HRK: variants seen among roughly 807,000 people sequenced by gnomAD.
The protein encoded by HRK is harakiri, BCL2 interacting protein.
Under a neutral mutation model 5.9 loss-of-function variants are expected in HRK, and 6 were observed. The observed-to-expected ratio is 1.02, with a 90% CI of 0.56 to 2.01. The LOEUF (loss-of-function observed/expected upper bound fraction) is 2.01. Ranked by LOEUF, HRK falls within the 30% of genes most tolerant of loss-of-function variation. The probability of loss-of-function intolerance (pLI) is 0.00; values close to 1 mark genes in which losing one functional copy is unlikely to be tolerated. For missense variants in HRK, 133 were observed against 128.3 expected (o/e 1.04, Z -0.18); for synonymous variants, 85 against 65.1 (o/e 1.31, Z -1.47).
chr12:116,878,611 C>G lies in HRK; in HGVS notation c.*56+2365G>C, dbSNP rs1879023801. On this transcript the variant is annotated intron_variant, in intron 1 of 1. Coordinates refer to ENST00000257572, the MANE Select transcript of HRK (RefSeq NM_003806.4). The surrounding 1 kb of genome is among the most constrained non-coding windows in gnomAD (Gnocchi z 4.4). The stretch of plus-strand genomic sequence containing the variant: ...GAGCACTGAGAACCCGGCCTGGGAG[C>G]GCAGGAAGGCGGGTGGTGAGCAATT... 1.3e-5 allele frequency: 2 copies of G among 152,682 alleles called. No homozygotes were observed. The highest frequency in any genetic ancestry group is 2.4e-5 in the African/African-American group (1 of 41,420). The allele number at this position is 152,682 out of a possible 1,614,324, so 9.5% of individuals were successfully genotyped here. A position where few individuals can be genotyped will look rare whatever the true frequency, so the allele number is the denominator to read the frequency against.
chr12:116,871,239 G>A (rs1278274774), intron 1 of HRK, among the ~76,000 whole-genome samples: 1 of 151,520 alleles, frequency 6.6e-6, no homozygotes, highest in Non-Finnish European at 1.5e-5. Context: ...TTACAGGTGT[G>A]AGCCACCACA....
At chr12:116,880,343 AAGGAGCGAAGTTGGC>A (rs1879098695) in intron 1 of HRK, among the ~76,000 whole-genome samples, 1 of 152,184 alleles carries the variant, frequency 6.6e-6, no homozygotes, top group Admixed American at 6.5e-5. Context: ...CTCACTCGAG[AAGGAGCGAAGTTGGC>A]AGGGCAGAGG....
rs1480165478 is a variant in HRK, at chr12:116,871,594, G to A, written c.*56+9382C>T. 9.3e-5 allele frequency among the ~76,000 whole-genome samples: 13 copies of A among 139,056 alleles called. No individual in the cohort carries two copies. In the East Asian group the frequency reaches 1.4e-3, roughly 15 times the overall value. The allele number at this position is 139,056 out of a possible 152,430, so 91.2% of individuals were successfully genotyped here. ...GCTGGGATTATAGGTGTGAGCCACC[G>A]TGCCCAGCCAAAAAAAAAAAAAAAA... On this transcript the variant is annotated intron_variant, in intron 1 of 1. Coordinates refer to ENST00000257572, the MANE Select transcript of HRK (RefSeq NM_003806.4).
rs1052432194 is a variant in HRK at position 116,878,855 on chromosome 12, C to T, written c.*56+2121G>A. ...GTAACTCTGGGGTAGAAGGCGAGGG[C>T]GGGGCGGGGGAAATAAACTCCACAG... is the stretch of plus-strand genomic sequence containing the variant. On this transcript the variant is annotated intron_variant, in intron 1 of 1. Transcript: ENST00000257572. The surrounding 1 kb of genome is among the most constrained non-coding windows in gnomAD (Gnocchi z 4.4). Among the ~76,000 whole-genome samples the T allele has an allele frequency of 1.3e-5, 2 of 152,156 alleles. No homozygotes were observed. Among genetic ancestry groups the T allele is most frequent in the African/African-American group, 4.8e-5 (2 of 41,444 alleles).
At position 116,860,919 on chromosome 12, in the gene HRK, G is replaced by T. The variant is rs971652189; in HGVS notation, c.*604C>A. 1 of 152,220 alleles carries T rather than the reference G, an allele frequency of 6.6e-6. No homozygotes were observed. The highest frequency in any genetic ancestry group is 2.1e-4 in the South Asian group (1 of 4,824). The allele number at this position is 152,220 out of a possible 1,614,324, so 9.4% of individuals were successfully genotyped here. ...GCGATCGACCTAGGTAAGTACAGAG[G>T]GAGAGGCTAGGACGAGTCAAGAAAT... is the stretch of plus-strand genomic sequence containing the variant. On this transcript the variant is annotated 3_prime_UTR_variant, in exon 2 of 2. Coordinates refer to ENST00000257572, the MANE Select transcript of HRK (RefSeq NM_003806.4).
Position 116,857,493 on chromosome 12 carries a change from C to T in HRK, c.*4030G>A, listed in dbSNP as rs759787389. On this transcript the variant is annotated 3_prime_UTR_variant, in exon 2 of 2. Coordinates refer to ENST00000257572, the MANE Select transcript of HRK (RefSeq NM_003806.4). ...AGCAAAATCTGTGTTCTGGTCAATG[C>T]AACTTGTAATATCAGGTGGACACTC... 5 of 152,120 alleles carry T rather than the reference C, an allele frequency of 3.3e-5. No homozygotes were observed. Among genetic ancestry groups the T allele is most frequent in the Non-Finnish European group, 7.4e-5 (5 of 68,024 alleles). The allele number at this position is 152,120 out of a possible 1,614,324, so 9.4% of individuals were successfully genotyped here.
intron 1 of HRK, among the ~76,000 whole-genome samples, chr12:116,875,348 G>T (rs1878891284): frequency 6.6e-6 from 1 of 152,062 alleles, no homozygotes; most frequent in Admixed American, 6.6e-5. Context: ...GTAGTAACAA[G>T]AACAATATTT....
chr12:116,870,243 T>C (rs961162546), intron 1 of HRK, among the ~76,000 whole-genome samples: 11 of 152,196 alleles, frequency 7.2e-5, no homozygotes, highest in African/African-American at 2.4e-4. Flanking sequence ...ACAGGACTTA[T>C]TAAGTACCAT....
At position 116,858,540 on chromosome 12, in the gene HRK, CGAT is replaced by C. The variant is rs1318458485; in HGVS notation, c.*2980_*2982del. The C allele has an allele frequency of 7.1e-6, 1 of 140,852 alleles. No individual in the cohort carries two copies. Among genetic ancestry groups the C allele is most frequent in the Non-Finnish European group, 1.5e-5 (1 of 65,426 alleles). The allele number at this position is 140,852 out of a possible 1,614,324, so 8.7% of individuals were successfully genotyped here. A position where few individuals can be genotyped will look rare whatever the true frequency, so the allele number is the denominator to read the frequency against. On this transcript the variant is annotated 3_prime_UTR_variant, in exon 2 of 2. Transcript: ENST00000257572. ...CTCATTATGCAGCAAGCTACCTAAA[CGAT>C]GATCTCAGAGGCCTCCCTCTGCTTG...
chr12:116,870,689 G>C (rs908547104), intron 1 of HRK, among the ~76,000 whole-genome samples: 1 of 152,108 alleles, frequency 6.6e-6, no homozygotes, highest in African/African-American at 2.4e-5. Flanking sequence ...AGTAGTCTCA[G>C]CTACCGGAGA....
Position 116,881,121 on chromosome 12 carries a change from C to T in HRK, c.187G>A (p.Gly63Ser). 2 of 1,219,898 alleles carry T rather than the reference C, an allele frequency of 1.6e-6. No homozygotes were observed. The highest frequency in any genetic ancestry group is 2.0e-6 in the Non-Finnish European group (2 of 981,168). The allele number at this position is 1,219,898 out of a possible 1,614,324, so 75.6% of individuals were successfully genotyped here. ...RARSRRAPAP[G>S]ALPTYWPWLC... ...CAAGGCCAGTAGGTGGGGAGCGCGCCGGGCGCCGGCGCCCTCCGGCTCCGC... is the reference window on the plus strand; with the variant it reads ...CAAGGCCAGTAGGTGGGGAGCGCGCTGGGCGCCGGCGCCCTCCGGCTCCGC... The change falls in exon 1 of 2, where the codon GGC (glycine) becomes AGC (serine). Residue 63 changes from glycine to serine, a missense_variant. By Grantham distance (56) the Gly-to-Ser change is moderately conservative. Coordinates refer to ENST00000257572, the MANE Select transcript of HRK (RefSeq NM_003806.4).
chr12:116,875,220 T>C (rs73393793), intron 1 of HRK, among the ~76,000 whole-genome samples: 4,070 of 152,298 alleles, frequency 0.027, 179 homozygotes, highest in African/African-American at 0.093. Flanking sequence ...GGACTTGGCA[T>C]CCTTGGATTT....
At chr12:116,867,615 C>T (rs1013183252) in intron 1 of HRK, 1 of 151,896 alleles carries the variant, frequency 6.6e-6, no homozygotes, top group Non-Finnish European at 1.5e-5. Flanking sequence ...TCTAAAACAA[C>T]AAAAAAAGTG....
chr12:116,873,518 T>C (rs2137251924), intron 1 of HRK, among the ~76,000 whole-genome samples: 1 of 152,050 alleles, frequency 6.6e-6, no homozygotes, highest in Admixed American at 6.6e-5. Flanking sequence ...GTAACACAGG[T>C]GCAGACCACC....
chr12:116,880,103 C>A (rs1172891336), intron 1 of HRK, among the ~76,000 whole-genome samples: 1 of 152,112 alleles, frequency 6.6e-6, no homozygotes, highest in East Asian at 1.9e-4. Flanking sequence ...CCCACTGATA[C>A]CAACCACACT....
At chr12:116,863,158 G>A (rs1193025386) in intron 1 of HRK, among the ~76,000 whole-genome samples, 1 of 152,238 alleles carries the variant, frequency 6.6e-6, no homozygotes, top group African/African-American at 2.4e-5. Context: ...TGATATAGGA[G>A]AGAAAGTGGA....
Position 116,881,317 on chromosome 12 carries a change from C to T in HRK, c.-10G>A. On this transcript the variant is annotated 5_prime_UTR_variant, in exon 1 of 2. Transcript: ENST00000257572. ...GGGGGCACGGGCACATGACCGCTGG[C>T]CTCGCTCCCGCCCCGCGCTCGGGCC... 1 of 1,064,212 alleles carries T rather than the reference C, an allele frequency of 9.4e-7. No homozygotes were observed. Among genetic ancestry groups the T allele is most frequent in the Non-Finnish European group, 1.1e-6 (1 of 882,498 alleles). The allele number at this position is 1,064,212 out of a possible 1,614,324, so 65.9% of individuals were successfully genotyped here. A position where few individuals can be genotyped will look rare whatever the true frequency, so the allele number is the denominator to read the frequency against.
At chr12:116,861,750 A>T (rs887232599) in intron 1 of HRK, among the ~76,000 whole-genome samples, 6 of 152,218 alleles carry the variant, frequency 3.9e-5, no homozygotes, top group Admixed American at 1.3e-4. Flanking sequence ...ATATTTACAT[A>T]GGCATCTTCA....
rs1197548255 is a variant in HRK at position 116,881,191 on chromosome 12, C to T, written c.117G>A (p.Ala39=). 1.8e-5 allele frequency: 21 copies of T among 1,146,282 alleles called. No homozygotes were observed. Among genetic ancestry groups the T allele is most frequent in the Non-Finnish European group, 2.0e-5 (19 of 934,464 alleles). 71.0% of individuals were successfully genotyped at this position (1,146,282 alleles called of 1,614,324 possible). The change falls in exon 1 of 2, where the codon GCG becomes GCA. Residue 39 remains alanine, a synonymous_variant. Coordinates refer to ENST00000257572, the MANE Select transcript of HRK (RefSeq NM_003806.4). ...AAQLTAARLK[A]LGDELHQRTM... ...TGCGCTGGTGCAGCTCGTCGCCTAGCGCCTTGAGCCGGGCGGCGGTGAGCT... is the reference window on the plus strand; with the variant it reads ...TGCGCTGGTGCAGCTCGTCGCCTAGTGCCTTGAGCCGGGCGGCGGTGAGCT...
Sources: allele counts gnomAD v4.1 joint callset (sites outside exome capture counted in the v4.1 genomes callset), GRCh38; gene constraint gnomAD v4.1.1; non-coding constraint Gnocchi (gnomAD v3.1); transcripts MANE v1.5; gene names NCBI Gene and HGNC (gene_info 2026-07-23, HGNC 2026-07-21).